The following TEAD4 variants were observed in gnomAD, a reference collection of about 807,000 sequenced individuals.
TEAD4 encodes TEA domain transcription factor 4.
TEAD4 carries 36 observed loss-of-function variants against 52.4 expected under a neutral mutation model. The ratio of observed to expected loss-of-function variants is 0.69; its 90% CI spans 0.53 to 0.91. TEAD4 has a LOEUF of 0.91. Ranked by LOEUF, TEAD4 falls within the 40% of genes least tolerant of loss-of-function variation. The pLI is 0.00. For missense variants in TEAD4, 508 were observed against 583.9 expected, an observed-to-expected ratio of 0.87 and a Z score of 1.34; for synonymous variants, 220 against 231.0, an observed-to-expected ratio of 0.95 and a Z score of 0.43.
intron 2 of TEAD4, among the ~76,000 whole-genome samples, chr12:2,991,873 G>A (rs1024867107): frequency 6.6e-6 from 1 of 152,036 alleles, no homozygotes; most frequent in Non-Finnish European, 1.5e-5. Context: ...CTGAAGGGCT[G>A]AGAACAAGAC....
intron 2 of TEAD4, chr12:2,960,391 G>C (rs1002326378): frequency 5.1e-6 from 5 of 984,846 alleles, no homozygotes; most frequent in Admixed American, 6.2e-5. Context: ...AAGGCGATGC[G>C]AAAGTCGGGG....
At chr12:3,022,144 GAGAGT>G in intron 10 of TEAD4, 127 bp downstream of exon 10, 1 of 1,265,666 alleles carries the variant, frequency 7.9e-7, no homozygotes, top group South Asian at 1.4e-5. Context: ...GTGAGAAGGG[GAGAGT>G]AAGCCCAGCA....
Position 3,009,616 on chromosome 12 carries a change from A to G in TEAD4, c.227-1388A>G, listed in dbSNP as rs1049188703. ...TGATGACTTAGACCCGAGATGCTGC[A>G]TGGGTGGCTTTAGTTAGACCTGGGG... is the stretch of plus-strand genomic sequence containing the variant. On this transcript the variant is annotated intron_variant, in intron 3 of 12. Coordinates refer to ENST00000359864, the MANE Select transcript of TEAD4 (RefSeq NM_003213.4). 2.0e-4 allele frequency among the ~76,000 whole-genome samples: 31 copies of G among 152,302 alleles called. No individual in the cohort carries two copies. The South Asian group carries it at 2.7e-3, about 13-fold the overall frequency.
rs2098282116 is a variant in TEAD4, at chr12:3,040,503, GA to G, written c.*27del. ...AGAGACTCGGGGAGCAGGGAGGGGG[GA>G]AGAGACGTGTGTGCAGGAAACGGGG... On this transcript the variant is annotated 3_prime_UTR_variant, in exon 13 of 13. Coordinates refer to ENST00000359864, the MANE Select transcript of TEAD4 (RefSeq NM_003213.4). 6.2e-7 allele frequency: 1 copy of G among 1,604,674 alleles called. No homozygotes were observed. Among genetic ancestry groups the G allele is most frequent in the East Asian group, 2.2e-5 (1 of 44,816 alleles).
intron 2 of TEAD4, among the ~76,000 whole-genome samples, chr12:2,989,685 C>G (rs1432440600): frequency 6.6e-6 from 1 of 152,080 alleles, no homozygotes; most frequent in Non-Finnish European, 1.5e-5. Context: ...AGCCATCCAC[C>G]TGCCTTGGCC....
At chr12:3,000,601 A>G (rs2098250913) in intron 3 of TEAD4, among the ~76,000 whole-genome samples, 1 of 152,236 alleles carries the variant, frequency 6.6e-6, no homozygotes, top group Non-Finnish European at 1.5e-5. Flanking sequence ...CCATACTGCC[A>G]CATGGGGGAT....
chr12:2,962,681 G>T (rs1472322313), intron 2 of TEAD4, among the ~76,000 whole-genome samples: 2 of 152,094 alleles, frequency 1.3e-5, no homozygotes, highest in Non-Finnish European at 2.9e-5. Flanking sequence ...TGTTTGCCAT[G>T]CTGGTCTTGA....
intron 3 of TEAD4, among the ~76,000 whole-genome samples, chr12:2,996,876 C>T (rs141360453): frequency 3.3e-5 from 5 of 152,168 alleles, no homozygotes; most frequent in African/African-American, 4.8e-5. Context: ...CCACCACGCT[C>T]GGCTGATTTT....
intron 2 of TEAD4, among the ~76,000 whole-genome samples, chr12:2,968,231 CAT>C: frequency 6.6e-6 from 1 of 151,564 alleles, no homozygotes; most frequent in East Asian, 1.9e-4. Flanking sequence ...GAATTACGGG[CAT>C]TTGCCACCAT....
At chr12:3,015,205 C>T (rs1466120482) in intron 5 of TEAD4, among the ~76,000 whole-genome samples, 4 of 152,172 alleles carry the variant, frequency 2.6e-5, no homozygotes, top group African/African-American at 9.6e-5. Context: ...GTTCCCTACT[C>T]CCCACCGCCC....
At position 2,994,800 on chromosome 12, in the gene TEAD4, G is replaced by A; in HGVS notation, c.34G>A (p.Glu12Lys). The change falls in exon 3 of 13, where the codon GAG (glutamate) becomes AAG (lysine). Residue 12 changes from glutamate (E) to lysine (K), a missense_variant. Coordinates refer to ENST00000359864, the MANE Select transcript of TEAD4 (RefSeq NM_003213.4). This position sits in a 1 kb window ranked among gnomAD's most constrained non-coding sequence, Gnocchi z 4.7. ...CACGGCCGGCACCATTACCTCCAACGAGTGGAGCTCTCCCACCTCCCCTGA... is the reference window on the plus strand; with the variant it reads ...CACGGCCGGCACCATTACCTCCAACAAGTGGAGCTCTCCCACCTCCCCTGA... 2.5e-6 allele frequency: 4 copies of A among 1,613,598 alleles called. No homozygotes were observed. The highest frequency in any genetic ancestry group is 1.1e-5 in the South Asian group (1 of 91,042).
chr12:2,965,700 C>T (rs989544912), intron 2 of TEAD4, among the ~76,000 whole-genome samples: 10 of 151,376 alleles, frequency 6.6e-5, no homozygotes, highest in Non-Finnish European at 1.2e-4. Context: ...TACAGGCACC[C>T]GCCACCTAAT....
At chr12:2,963,476 C>T (rs1307954726) in intron 2 of TEAD4, among the ~76,000 whole-genome samples, 2 of 152,180 alleles carry the variant, frequency 1.3e-5, no homozygotes, top group Admixed American at 6.5e-5. Flanking sequence ...CTTTAAAGCT[C>T]TGAAATTGGA....
intron 2 of TEAD4, among the ~76,000 whole-genome samples, chr12:2,960,662 G>A (rs1282693236): frequency 6.6e-6 from 1 of 152,130 alleles, no homozygotes; most frequent in Non-Finnish European, 1.5e-5. Context: ...TCCAGTGGGC[G>A]TATTTGTTTG....
At chr12:2,974,367 G>T (rs2098227701) in intron 2 of TEAD4, among the ~76,000 whole-genome samples, 1 of 152,230 alleles carries the variant, frequency 6.6e-6, no homozygotes, top group African/African-American at 2.4e-5. Flanking sequence ...TGACCAGGCA[G>T]GGTGGCTCTG....
At chr12:3,040,003 T>A in intron 11 of TEAD4, 104 bp from the exon 12 acceptor site, 1 of 1,501,890 alleles carries the variant, frequency 6.7e-7, no homozygotes, top group Non-Finnish European at 9.0e-7. Context: ...GACTCTTTTC[T>A]TAAGGGCCCC....
chr12:3,017,578 C>T lies in TEAD4; in HGVS notation c.483+52C>T, dbSNP rs936395906. The stretch of plus-strand genomic sequence containing the variant: ...CCAGGCCAGCCCTCTCCTCCTCCCT[C>T]CTCCCTGTTCAGAAGAGCCAGAAGC... On this transcript the variant is annotated intron_variant, in intron 6 of 12. Transcript: ENST00000359864. 4 of 1,561,968 alleles carry T rather than the reference C, an allele frequency of 2.6e-6. No individual in the cohort carries two copies. The African/African-American group carries it at 4.1e-5, about 16-fold the overall frequency.
chr12:3,018,967 G>A, intron 7 of TEAD4, 148 bp from the exon 8 acceptor site: 1 of 945,124 alleles, frequency 1.1e-6, no homozygotes, highest in Non-Finnish European at 1.6e-6. Context: ...AGGGGAGTCG[G>A]CAGGGGCGGG....
intron 10 of TEAD4, among the ~76,000 whole-genome samples, chr12:3,032,758 G>A (rs1268012769): frequency 6.6e-6 from 1 of 152,028 alleles, no homozygotes; most frequent in African/African-American, 2.4e-5. Context: ...AGGGAGCGCC[G>A]GAGGCCAGGG....
Sources: gnomAD v4.1 joint callset for allele counts (sites outside exome capture counted in the v4.1 genomes callset) on GRCh38, gnomAD v4.1.1 for gene constraint, Gnocchi (gnomAD v3.1) non-coding constraint, MANE v1.5 for transcripts, NCBI Gene and HGNC (gene_info 2026-07-23, HGNC 2026-07-21) for gene names.